Variants in HCN1 observed in about 807,000 individuals in gnomAD.
HCN1 encodes potassium/sodium hyperpolarization-activated cyclic nucleotide-gated channel 1.
A neutral mutation model predicts 78.9 loss-of-function variants in HCN1; 13 were observed. That is an observed-to-expected ratio of 0.16 (90% CI 0.11 to 0.26). HCN1 has a LOEUF of 0.26. Ranked by LOEUF, HCN1 falls within the 10% of genes least tolerant of loss-of-function variation. The pLI is 1.00. For synonymous variants in HCN1, 552 were observed against 455.5 expected (o/e 1.21, Z -2.70); for missense variants, 810 against 1,154.3 (o/e 0.70, Z 4.32).
chr5:45,301,667 G>A (rs1236645301), intron 6 of HCN1, among the ~76,000 whole-genome samples: 1 of 149,718 alleles, frequency 6.7e-6, no homozygotes, highest in African/African-American at 2.5e-5. Context: ...GTTGCAGTGA[G>A]CCATAATCAT....
chr5:45,344,319 G>T (rs62367531), intron 5 of HCN1, among the ~76,000 whole-genome samples: 8,636 of 151,970 alleles, frequency 0.057, 366 homozygotes, highest in East Asian at 0.13. Context: ...GATTTGGGTG[G>T]GAACAGAGCC....
chr5:45,319,835 A>G (rs1006677171), intron 5 of HCN1, among the ~76,000 whole-genome samples: 5 of 151,902 alleles, frequency 3.3e-5, no homozygotes, highest in Admixed American at 3.3e-4. Context: ...TTTAAGCAAT[A>G]TCTCATTTAG....
At chr5:45,520,582 T>A (rs978548386) in intron 2 of HCN1, among the ~76,000 whole-genome samples, 3 of 152,072 alleles carry the variant, frequency 2.0e-5, no homozygotes, top group Admixed American at 2.0e-4. Flanking sequence ...TATTATCTTT[T>A]GAATTTCTTT....
chr5:45,296,107 T>C (rs1305044557), intron 6 of HCN1, among the ~76,000 whole-genome samples: 1 of 152,000 alleles, frequency 6.6e-6, no homozygotes, highest in Non-Finnish European at 1.5e-5. Flanking sequence ...TGAATGAGAT[T>C]AAAAGCTCTG....
intron 3 of HCN1, among the ~76,000 whole-genome samples, chr5:45,459,409 A>T (rs892109177): frequency 1.3e-5 from 2 of 151,540 alleles, no homozygotes; most frequent in African/African-American, 4.8e-5. Context: ...GCCAAAAAAA[A>T]AAAAAAGCCA....
intron 4 of HCN1, among the ~76,000 whole-genome samples, chr5:45,365,038 T>C (rs1402900739): frequency 1.3e-5 from 2 of 152,204 alleles, no homozygotes; most frequent in East Asian, 3.9e-4. Flanking sequence ...AATAATTGAT[T>C]AATTAATATG....
At chr5:45,347,309 G>A (rs1330691951) in intron 5 of HCN1, among the ~76,000 whole-genome samples, 8 of 152,184 alleles carry the variant, frequency 5.3e-5, no homozygotes, top group South Asian at 4.1e-4. Context: ...TGAGGGTCCT[G>A]TCTGTTAGAA....
chr5:45,370,512 A>C (rs1489132525), intron 4 of HCN1, among the ~76,000 whole-genome samples: 1 of 152,100 alleles, frequency 6.6e-6, no homozygotes, highest in East Asian at 1.9e-4. Flanking sequence ...GTTTTGAAGA[A>C]GAGAACCTTC....
chr5:45,648,120 C>A (rs779955033), intron 1 of HCN1, among the ~76,000 whole-genome samples: 5 of 152,162 alleles, frequency 3.3e-5, no homozygotes, highest in Admixed American at 2.0e-4. Flanking sequence ...GCACACAATG[C>A]CAGTGGCCTA....
chr5:45,616,855 A>C (rs1221673749), intron 2 of HCN1, among the ~76,000 whole-genome samples: 2 of 152,014 alleles, frequency 1.3e-5, no homozygotes, highest in African/African-American at 4.8e-5. Flanking sequence ...TAAACATACA[A>C]CCATGCTTCC....
intron 2 of HCN1, among the ~76,000 whole-genome samples, chr5:45,614,777 T>C (rs564412601): frequency 3.9e-5 from 6 of 152,140 alleles, no homozygotes; most frequent in African/African-American, 1.4e-4. Flanking sequence ...TGCAAAAGAA[T>C]TTCATTTGTG....
chr5:45,434,729 T>C (rs1285944758), intron 3 of HCN1, among the ~76,000 whole-genome samples: 1 of 152,188 alleles, frequency 6.6e-6, no homozygotes, highest in African/African-American at 2.4e-5. Context: ...GTTGACTATA[T>C]GCCAGATATG....
At chr5:45,540,268 C>G (rs1307655083) in intron 2 of HCN1, among the ~76,000 whole-genome samples, 2 of 151,318 alleles carry the variant, frequency 1.3e-5, no homozygotes. Flanking sequence ...TTTGACAGCT[C>G]TTATCTCATA....
chr5:45,267,519 C>T (rs1744883821), intron 6 of HCN1, among the ~76,000 whole-genome samples: 1 of 151,158 alleles, frequency 6.6e-6, no homozygotes. Context: ...CCTGTAATCC[C>T]AGCACTTTGG....
At chr5:45,498,496 T>G (rs1742102980) in intron 2 of HCN1, among the ~76,000 whole-genome samples, 2 of 152,168 alleles carry the variant, frequency 1.3e-5, no homozygotes, top group Admixed American at 1.3e-4. Flanking sequence ...TCTAACTTTT[T>G]TCAAAGTTTT....
chr5:45,520,062 GAT>G (rs759625423), intron 2 of HCN1, among the ~76,000 whole-genome samples: 7 of 151,954 alleles, frequency 4.6e-5, no homozygotes, highest in Admixed American at 1.3e-4. Flanking sequence ...TATGAATAAA[GAT>G]ATGGGCATTA....
chr5:45,554,021 T>C (rs1743424526), intron 2 of HCN1, among the ~76,000 whole-genome samples: 1 of 151,910 alleles, frequency 6.6e-6, no homozygotes, highest in African/African-American at 2.4e-5. Context: ...AATCCCAACA[T>C]CCAAGTTAGC....
intron 2 of HCN1, among the ~76,000 whole-genome samples, chr5:45,582,900 T>C (rs1477965967): frequency 2.0e-5 from 3 of 152,186 alleles, no homozygotes; most frequent in South Asian, 2.1e-4. Flanking sequence ...AGCTTTTTGA[T>C]GTGCTGTTGG....
intron 1 of HCN1, among the ~76,000 whole-genome samples, chr5:45,664,472 G>GAAA (rs755491134): frequency 8.2e-6 from 1 of 122,456 alleles, no homozygotes; most frequent in South Asian, 2.6e-4. Context: ...ATAAAAAAAA[G>GAAA]AAAAAAAAAA....
Sources: gnomAD v4.1 joint callset for allele counts (sites outside exome capture counted in the v4.1 genomes callset) on GRCh38, gnomAD v4.1.1 for gene constraint, MANE v1.5 for transcripts, NCBI Gene and HGNC (gene_info 2026-07-23, HGNC 2026-07-21) for gene names.